The following FLYWCH1 variants were observed in gnomAD, a reference collection of about 807,000 sequenced individuals.
The protein encoded by FLYWCH1 is FLYWCH-type zinc finger-containing protein 1.
A neutral mutation model predicts 66.4 loss-of-function variants in FLYWCH1; 75 were observed. That is an observed-to-expected ratio of 1.13 (90% CI 0.94 to 1.37). The LOEUF (loss-of-function observed/expected upper bound fraction) is 1.37, where lower values mean the gene tolerates loss of function less well. Ranked by LOEUF, FLYWCH1 falls within the 40% of genes most tolerant of loss-of-function variation. The pLI, the probability that FLYWCH1 is intolerant of heterozygous loss-of-function variation, is 0.00. For synonymous variants in FLYWCH1, 595 were observed against 429.9 expected, an observed-to-expected ratio of 1.38 and a Z score of -4.75; for missense variants, 1,334 against 1,001.8, an observed-to-expected ratio of 1.33 and a Z score of -4.48.
At chr16:2,944,356 C>T (rs538882459) in intron 9 of FLYWCH1, among the ~76,000 whole-genome samples, 1 of 147,746 alleles carries the variant, frequency 6.8e-6, no homozygotes, top group South Asian at 2.1e-4. Flanking sequence ...TGCCATTGCA[C>T]TCCATCCAGC....
intron 4 of FLYWCH1, among the ~76,000 whole-genome samples, chr16:2,932,886 A>G (rs8055702): frequency 0.017 from 2,630 of 151,714 alleles, 66 homozygotes; most frequent in African/African-American, 0.06. Flanking sequence ...ACTCGGTGGT[A>G]GGGGTGAGCT....
intron 2 of FLYWCH1, among the ~76,000 whole-genome samples, chr16:2,916,688 A>C (rs955468873): frequency 6.6e-5 from 10 of 152,070 alleles, no homozygotes; most frequent in African/African-American, 1.9e-4. Context: ...AAATTTAAAA[A>C]TTCGTTGTTT....
At position 2,938,301 on chromosome 16, in the gene FLYWCH1, G is replaced by A. The variant is rs759013771; in HGVS notation, c.1895G>A (p.Arg632Gln). 4.1e-5 allele frequency: 66 copies of A among 1,611,242 alleles called. No homozygotes were observed. The highest frequency in any genetic ancestry group is 1.6e-4 in the Middle Eastern group (1 of 6,070). Reference sequence around the variant, plus strand: ...GGGGAGAAGGTGTACTGGATGTGCCGGGACCAGGCTCGGCTGGGCTGCCGC... The same window carrying A: ...GGGGAGAAGGTGTACTGGATGTGCCAGGACCAGGCTCGGCTGGGCTGCCGC... ...AAGEKVYWMC[R>Q]DQARLGCRSR... The change falls in exon 8 of 10, where the codon CGG becomes CAG. Residue 632 changes from arginine to glutamine, a missense_variant. Arg to Gln is a conservative substitution (Grantham distance 43). Transcript: ENST00000253928.
intron 9 of FLYWCH1, among the ~76,000 whole-genome samples, chr16:2,945,694 C>G (rs1300528294): frequency 6.6e-6 from 1 of 150,848 alleles, no homozygotes; most frequent in Non-Finnish European, 1.5e-5. Flanking sequence ...TTTTAAAATC[C>G]TTAAAAATAA....
intron 2 of FLYWCH1, among the ~76,000 whole-genome samples, chr16:2,923,505 C>G (rs762961800): frequency 2.0e-5 from 3 of 152,130 alleles, no homozygotes; most frequent in Non-Finnish European, 2.9e-5. Flanking sequence ...CTCAGCCTCC[C>G]AAAGTGCTGG....
chr16:2,912,522 C>T (rs2150865813), intron 1 of FLYWCH1, among the ~76,000 whole-genome samples: 1 of 152,334 alleles, frequency 6.6e-6, no homozygotes, highest in Admixed American at 6.5e-5. Context: ...CGGGACGCAC[C>T]CCGCTCCCGC....
At position 2,930,568 on chromosome 16, in the gene FLYWCH1, C is replaced by G. The variant is rs752366311; in HGVS notation, c.484C>G (p.Arg162Gly). 1.9e-6 allele frequency: 3 copies of G among 1,555,924 alleles called. No homozygotes were observed. The highest frequency in any genetic ancestry group is 2.0e-5 in the Admixed American group (1 of 49,524). Residue 162 changes from arginine (R) to glycine (G), a missense_variant, in exon 4 of 10, where the codon CGA becomes GGA. Transcript: ENST00000253928. ...GGGCTGCCGGGGCCGGGCCATCACCCGAGGCCTGCGGGCCACAGTGATGCG... is the reference window on the plus strand; with the variant it reads ...GGGCTGCCGGGGCCGGGCCATCACCGGAGGCCTGCGGGCCACAGTGATGCG... ...ELGCRGRAIT[R>G]GLRATVMRGH...
At chr16:2,936,066 C>A (rs958169481) in intron 6 of FLYWCH1, 24 of 250,472 alleles carry the variant, frequency 9.6e-5, no homozygotes, top group Admixed American at 5.1e-5. Context: ...CACACCACCA[C>A]GCCCAGCTAA....
chr16:2,915,928 T>C lies in FLYWCH1; in HGVS notation c.-74+1639T>C, dbSNP rs1366715558. On this transcript the variant is annotated intron_variant, in intron 2 of 9. Transcript: ENST00000253928. The stretch of plus-strand genomic sequence containing the variant: ...AGTGGCCAAGGAAACATATTTTTGA[T>C]TATAAGGCTGATTTCATCATATTTG... Among the ~76,000 whole-genome samples, 3 of 152,214 alleles carry C rather than the reference T, an allele frequency of 2.0e-5. No individual in the cohort carries two copies. In the East Asian group the frequency reaches 5.8e-4, roughly 29 times the overall value.
intron 6 of FLYWCH1, 94 bp from the exon 7 acceptor site, chr16:2,937,027 G>T (rs772762025): frequency 3.5e-5 from 43 of 1,245,880 alleles, no homozygotes; most frequent in African/African-American, 4.6e-5. Flanking sequence ...TGAGGAGGAG[G>T]TGTGGGCGTT....
chr16:2,925,850 C>T lies in FLYWCH1; in HGVS notation c.-73-3763C>T, dbSNP rs1596364955. Among the ~76,000 whole-genome samples the T allele has an allele frequency of 2.6e-5, 4 of 152,124 alleles. No individual in the cohort carries two copies. The East Asian group carries it at 7.7e-4, about 29-fold the overall frequency. ...CTCCCCTCTGCGTTGTCTCCGGAGC[C>T]GACCAGGCCTTCGGGAGTGGAATGT... On this transcript the variant is annotated intron_variant, in intron 2 of 9. Transcript: ENST00000253928.
chr16:2,941,054 G>A (rs974268012), intron 9 of FLYWCH1, among the ~76,000 whole-genome samples: 2 of 152,148 alleles, frequency 1.3e-5, no homozygotes, highest in African/African-American at 2.4e-5. Context: ...AGCCAAGATT[G>A]TGCCACTGCA....
chr16:2,924,293 TGCACTCTA>T (rs2070480477), intron 2 of FLYWCH1, among the ~76,000 whole-genome samples: 1 of 149,960 alleles, frequency 6.7e-6, no homozygotes, highest in Non-Finnish European at 1.5e-5. Context: ...ATCCGAGCAC[TGCACTCTA>T]GCCTGGGTGA....
intron 9 of FLYWCH1, among the ~76,000 whole-genome samples, chr16:2,948,089 C>A (rs79617896): frequency 0.031 from 4,712 of 152,042 alleles, 153 homozygotes; most frequent in African/African-American, 0.076. Context: ...TGATGAAGAA[C>A]CTTGAGGCTT....
chr16:2,917,693 A>G lies in FLYWCH1; in HGVS notation c.-74+3404A>G, dbSNP rs1596352980. Among the ~76,000 whole-genome samples the G allele has an allele frequency of 2.6e-5, 4 of 152,102 alleles. No individual in the cohort carries two copies. The East Asian group carries it at 5.8e-4, about 22-fold the overall frequency. ...CTGCAGTCTTCTGTTTCCCAAGGTC[A>G]TCTATTCTAGTGTTTGTCAAAGTCT... On this transcript the variant is annotated intron_variant, in intron 2 of 9. Transcript: ENST00000253928.
chr16:2,936,229 T>C lies in FLYWCH1; in HGVS notation c.1514-892T>C, dbSNP rs2070993259. 8.5e-6 allele frequency: 3 copies of C among 354,034 alleles called. No homozygotes were observed. The Admixed American group carries it at 1.1e-4, about 13-fold the overall frequency. The allele number at this position is 354,034 out of a possible 1,614,324, so 21.9% of individuals were successfully genotyped here. On this transcript the variant is annotated intron_variant, in intron 6 of 9. Transcript: ENST00000253928. The stretch of plus-strand genomic sequence containing the variant: ...CGCAGCCCCTTGCTGGATATTTTCA[T>C]CCGTGTGGAAGGGGATAAAGCGTGC...
intron 8 of FLYWCH1, among the ~76,000 whole-genome samples, chr16:2,939,361 C>T (rs1467585627): frequency 6.6e-6 from 1 of 152,096 alleles, no homozygotes; most frequent in Non-Finnish European, 1.5e-5. Context: ...GCTTGGGAGG[C>T]AGGAGAATCA....
At position 2,950,967 on chromosome 16, in the gene FLYWCH1, C is replaced by G. The variant is rs1258365099; in HGVS notation, c.*2240C>G. 3 of 152,406 alleles carry G rather than the reference C, an allele frequency of 2.0e-5. No homozygotes were observed. The South Asian group carries it at 6.2e-4, about 32-fold the overall frequency. 9.4% of individuals were successfully genotyped at this position (152,406 alleles called of 1,614,324 possible). ...GCAAAGTTCCAGGGCCACCAGATGT[C>G]GCCTGCCCAGTCACTGTCACAGAGT... On this transcript the variant is annotated 3_prime_UTR_variant, in exon 10 of 10. Transcript: ENST00000253928.
At chr16:2,929,084 C>T (rs546672810) in intron 2 of FLYWCH1, among the ~76,000 whole-genome samples, 26 of 152,224 alleles carry the variant, frequency 1.7e-4, no homozygotes, top group Non-Finnish European at 3.1e-4. Context: ...GGCCCACATG[C>T]CTGAGACAGG....
Sources: allele counts gnomAD v4.1 joint callset (sites outside exome capture counted in the v4.1 genomes callset), GRCh38; gene constraint gnomAD v4.1.1; transcripts MANE v1.5; gene names NCBI Gene and HGNC (gene_info 2026-07-23, HGNC 2026-07-21).